The following NEGR1 variants were observed in gnomAD, a reference collection of about 807,000 sequenced individuals.
NEGR1 encodes the protein neuronal growth regulator 1.
Under a neutral mutation model 40.9 loss-of-function variants are expected in NEGR1, and 10 were observed. The ratio of observed to expected loss-of-function variants is 0.24; its 90% CI spans 0.15 to 0.42. The LOEUF (loss-of-function observed/expected upper bound fraction) is 0.42, where lower values mean the gene tolerates loss of function less well. NEGR1 is among the 10% of genes least tolerant of loss of function. The probability of loss-of-function intolerance (pLI) is 1.00; values close to 1 mark genes in which losing one functional copy is unlikely to be tolerated. For synonymous variants in NEGR1, 185 were observed against 166.8 expected, an observed-to-expected ratio of 1.11 and a Z score of -0.84; for missense variants, 352 against 438.9, an observed-to-expected ratio of 0.80 and a Z score of 1.77.
At chr1:72,002,861 A>T (rs1219156043) in intron 1 of NEGR1, among the ~76,000 whole-genome samples, 1 of 152,182 alleles carries the variant, frequency 6.6e-6, no homozygotes, top group African/African-American at 2.4e-5. Context: ...GACACATCGA[A>T]TGTAAAATGT....
intron 6 of NEGR1, among the ~76,000 whole-genome samples, chr1:71,441,296 G>A (rs924104212): frequency 2.6e-5 from 4 of 152,238 alleles, no homozygotes; most frequent in African/African-American, 4.8e-5. Flanking sequence ...GGTTGTTATC[G>A]GCCCCAATCT....
chr1:71,761,142 A>G (rs1038001134), intron 3 of NEGR1, among the ~76,000 whole-genome samples: 7 of 152,284 alleles, frequency 4.6e-5, no homozygotes, highest in South Asian at 4.1e-4. Context: ...AACAAAACTT[A>G]AGACCTAAAC....
chr1:71,589,667 T>C (rs529090781), intron 6 of NEGR1, among the ~76,000 whole-genome samples: 11 of 152,140 alleles, frequency 7.2e-5, no homozygotes, highest in Non-Finnish European at 1.5e-4. Context: ...TTGCCAGATT[T>C]GGTCATTAAT....
intron 5 of NEGR1, among the ~76,000 whole-genome samples, chr1:71,598,632 T>C (rs1404361200): frequency 1.3e-5 from 2 of 152,208 alleles, no homozygotes; most frequent in Admixed American, 6.5e-5. Context: ...TTTTTCTTCC[T>C]CTAGGTTCAC....
chr1:71,685,866 T>C (rs1055680111), intron 4 of NEGR1, among the ~76,000 whole-genome samples: 2 of 152,234 alleles, frequency 1.3e-5, no homozygotes, highest in Admixed American at 1.3e-4. Context: ...TTGAAGAAAC[T>C]TATGAAATCT....
intron 5 of NEGR1, among the ~76,000 whole-genome samples, chr1:71,597,767 C>T (rs1188717976): frequency 1.3e-5 from 2 of 151,506 alleles, no homozygotes; most frequent in South Asian, 2.1e-4. Flanking sequence ...ATTAGCCAGG[C>T]GTGGTAATCC....
intron 1 of NEGR1, among the ~76,000 whole-genome samples, chr1:72,041,576 T>C (rs539244361): frequency 4.8e-4 from 73 of 151,218 alleles, no homozygotes; most frequent in Non-Finnish European, 8.7e-4. Context: ...AAGTCACCTA[T>C]GTGGTAGTAC....
chr1:71,856,037 T>C (rs1284842655), intron 2 of NEGR1, among the ~76,000 whole-genome samples: 1 of 152,102 alleles, frequency 6.6e-6, no homozygotes, highest in Non-Finnish European at 1.5e-5. Flanking sequence ...GCAACACTTC[T>C]TAATCCCATT....
intron 2 of NEGR1, among the ~76,000 whole-genome samples, chr1:71,839,716 A>T (rs976265174): frequency 1.4e-4 from 21 of 152,082 alleles, no homozygotes; most frequent in Non-Finnish European, 2.9e-4. Flanking sequence ...ATTCCAGAGG[A>T]TTTTATTTTA....
intron 1 of NEGR1, among the ~76,000 whole-genome samples, chr1:72,173,268 A>C (rs1652030927): frequency 8.3e-6 from 1 of 120,506 alleles, no homozygotes; most frequent in Non-Finnish European, 1.8e-5. Flanking sequence ...TGGGCCTTCT[A>C]AAGTGCTAGG....
chr1:72,203,787 AC>A (rs1021194385), intron 1 of NEGR1, among the ~76,000 whole-genome samples: 5 of 152,066 alleles, frequency 3.3e-5, no homozygotes, highest in Non-Finnish European at 5.9e-5. Flanking sequence ...GTAACCACTA[AC>A]CTTTTTCAAT....
chr1:72,209,049 A>T (rs1337797035), intron 1 of NEGR1, among the ~76,000 whole-genome samples: 1 of 151,706 alleles, frequency 6.6e-6, no homozygotes, highest in Non-Finnish European at 1.5e-5. Flanking sequence ...CAAAAAACAG[A>T]TGTAATTATT....
intron 2 of NEGR1, among the ~76,000 whole-genome samples, chr1:71,856,261 C>T (rs1367421779): frequency 1.3e-5 from 2 of 151,956 alleles, no homozygotes; most frequent in Non-Finnish European, 1.5e-5. Context: ...TTATAAGGAG[C>T]CATCTGTACA....
At chr1:72,085,255 G>T (rs555050881) in intron 1 of NEGR1, among the ~76,000 whole-genome samples, 3 of 152,154 alleles carry the variant, frequency 2.0e-5, no homozygotes, top group African/African-American at 7.2e-5. Context: ...AATACACAAA[G>T]ATTAGTATTT....
At chr1:71,541,634 C>A (rs1442832835) in intron 6 of NEGR1, among the ~76,000 whole-genome samples, 1 of 151,748 alleles carries the variant, frequency 6.6e-6, no homozygotes, top group Non-Finnish European at 1.5e-5. Flanking sequence ...TGGGTAAGGA[C>A]AGATTCAACA....
At chr1:71,982,937 C>T (rs1406324726) in intron 1 of NEGR1, among the ~76,000 whole-genome samples, 1 of 152,104 alleles carries the variant, frequency 6.6e-6, no homozygotes, top group African/African-American at 2.4e-5. Flanking sequence ...TTCTACTTCA[C>T]ATATGTGGAA....
chr1:72,244,643 C>T (rs1654847692), intron 1 of NEGR1, among the ~76,000 whole-genome samples: 1 of 151,988 alleles, frequency 6.6e-6, no homozygotes, highest in African/African-American at 2.4e-5. Context: ...GTGAATACTA[C>T]ACCATTGTTC....
intron 6 of NEGR1, among the ~76,000 whole-genome samples, chr1:71,544,439 AGT>A (rs1362803713): frequency 1.3e-5 from 2 of 151,690 alleles, no homozygotes; most frequent in Non-Finnish European, 3.0e-5. Context: ...TTTATCTAAC[AGT>A]GTGACATTGA....
chr1:71,806,874 A>G (rs1225905000), intron 2 of NEGR1, among the ~76,000 whole-genome samples: 1 of 151,548 alleles, frequency 6.6e-6, no homozygotes, highest in African/African-American at 2.4e-5. Context: ...AGTACTGCGC[A>G]AACATGTCGA....
Sources: gnomAD v4.1 joint callset for allele counts (sites outside exome capture counted in the v4.1 genomes callset) on GRCh38, gnomAD v4.1.1 for gene constraint, MANE v1.5 for transcripts, NCBI Gene and HGNC (gene_info 2026-07-23, HGNC 2026-07-21) for gene names.